Variants in NTSR1 observed in about 807,000 individuals in gnomAD.
NTSR1 encodes the protein neurotensin receptor type 1.
In NTSR1, 29 loss-of-function variants were observed where a neutral mutation model predicts 31.2. The ratio of observed to expected loss-of-function variants is 0.93; its 90% confidence interval spans 0.69 to 1.27. The LOEUF is 1.27. Among genes scored for constraint, NTSR1 ranks in the 50% most tolerant of loss-of-function variants. The probability of loss-of-function intolerance (pLI) is 0.00; values close to 1 mark genes in which losing one functional copy is unlikely to be tolerated. For synonymous variants in NTSR1, 282 were observed against 269.9 expected (o/e 1.04, Z -0.44); for missense variants, 697 against 595.4 (o/e 1.17, Z -1.78).
rs984220700 is a variant in NTSR1 at position 62,758,099 on chromosome 20, G to A, written c.917-167G>A. On this transcript the variant is annotated intron_variant, in intron 2 of 3. Transcript: ENST00000370501. The surrounding 1 kb of genome is among the most constrained non-coding windows in gnomAD (Gnocchi z 4.5). ...AGGTGCAGTGGGTCTCTGAGCCCATGTCTCTGTGCCTCAGGTGCAGTGGGT... is the reference window on the plus strand; with the variant it reads ...AGGTGCAGTGGGTCTCTGAGCCCATATCTCTGTGCCTCAGGTGCAGTGGGT... 4.1e-5 allele frequency among the ~76,000 whole-genome samples: 6 copies of A among 146,730 alleles called. No individual in the cohort carries two copies. The highest frequency in any genetic ancestry group is 2.3e-4 in the South Asian group (1 of 4,436).
chr20:62,751,380 CA>C (rs1989391919), intron 1 of NTSR1, among the ~76,000 whole-genome samples: 1 of 152,156 alleles, frequency 6.6e-6, no homozygotes, highest in South Asian at 2.1e-4. Flanking sequence ...GGAACTAAGT[CA>C]AATTGTCTTA....
At chr20:62,731,448 G>A (rs1406648017) in intron 1 of NTSR1, among the ~76,000 whole-genome samples, 2 of 151,856 alleles carry the variant, frequency 1.3e-5, no homozygotes, top group Non-Finnish European at 2.9e-5. Flanking sequence ...TGCTTTTGAT[G>A]TTGCATCTAA....
At chr20:62,718,142 G>A (rs555574334) in intron 1 of NTSR1, among the ~76,000 whole-genome samples, 22 of 152,344 alleles carry the variant, frequency 1.4e-4, no homozygotes, top group Non-Finnish European at 2.5e-4. Flanking sequence ...GAAGCCACGG[G>A]CAGATCATGC....
At chr20:62,752,521 C>T (rs866767546) in intron 1 of NTSR1, among the ~76,000 whole-genome samples, 1 of 152,210 alleles carries the variant, frequency 6.6e-6, no homozygotes, top group African/African-American at 2.4e-5. Context: ...CGTGGCCCTG[C>T]GGCAGACTCT....
rs148000672 is a variant in NTSR1, at chr20:62,709,903, C to A, written c.696C>A (p.Thr232=). The change falls in exon 1 of 4, where the codon ACC becomes ACA. Residue 232 remains threonine (T), a synonymous_variant. Coordinates refer to ENST00000370501, the MANE Select transcript of NTSR1 (RefSeq NM_002531.3). The part of the protein sequence containing the change: ...LVCTPTIHTA[T]VKVVIQVNTF... Reference sequence around the variant, plus strand: ...GCACCCCCACCATCCACACTGCCACCGTCAAGGTCGTCATACAGGTGAGCC... The same window carrying A: ...GCACCCCCACCATCCACACTGCCACAGTCAAGGTCGTCATACAGGTGAGCC... The A allele has an allele frequency of 4.6e-5, 74 of 1,594,226 alleles. No individual in the cohort carries two copies. In the African/African-American group the frequency reaches 8.9e-4, roughly 19 times the overall value.
intron 1 of NTSR1, among the ~76,000 whole-genome samples, chr20:62,725,760 C>T (rs1263962539): frequency 5.3e-5 from 8 of 151,956 alleles, no homozygotes; most frequent in Admixed American, 1.3e-4. Context: ...TGAATCCCAG[C>T]AAACCAAGAG....
intron 1 of NTSR1, among the ~76,000 whole-genome samples, chr20:62,739,519 A>AT (rs1443644424): frequency 6.6e-6 from 1 of 152,180 alleles, no homozygotes; most frequent in Non-Finnish European, 1.5e-5. Flanking sequence ...AGTCCCTCCC[A>AT]TGCAGGTACT....
In NTSR1 at chr20:62,762,156, G is replaced by C. The variant is rs1256093835; in HGVS notation, c.*1889G>C. Reference sequence around the variant, plus strand: ...TCTAGCAAATGCTAAGGCCCCTCAGGCTGGGCTCTGAACGAGGACCTGGAC... The same window carrying C: ...TCTAGCAAATGCTAAGGCCCCTCAGCCTGGGCTCTGAACGAGGACCTGGAC... On this transcript the variant is annotated 3_prime_UTR_variant, in exon 4 of 4. Transcript: ENST00000370501. 6.6e-6 allele frequency: 1 copy of C among 152,284 alleles called. No individual in the cohort carries two copies. Among genetic ancestry groups the C allele is most frequent in the African/African-American group, 2.4e-5 (1 of 41,448 alleles). 9.4% of individuals were successfully genotyped at this position (152,284 alleles called of 1,614,324 possible). A position where few individuals can be genotyped will look rare whatever the true frequency, so the allele number is the denominator to read the frequency against.
chr20:62,737,427 G>A (rs537584706), intron 1 of NTSR1, among the ~76,000 whole-genome samples: 5 of 152,274 alleles, frequency 3.3e-5, no homozygotes, highest in Admixed American at 6.5e-5. Flanking sequence ...CCGTGCAGTC[G>A]GAGAGCCCCT....
At chr20:62,752,130 G>T (rs1289955945) in intron 1 of NTSR1, among the ~76,000 whole-genome samples, 3 of 152,186 alleles carry the variant, frequency 2.0e-5, no homozygotes, top group Non-Finnish European at 4.4e-5. Flanking sequence ...TGGATGCACA[G>T]ACGTGATCTC....
Position 62,744,554 on chromosome 20 carries a change from C to CAAAA in NTSR1, c.715-10119_715-10116dup, listed in dbSNP as rs11481597. On this transcript the variant is annotated intron_variant, in intron 1 of 3. Coordinates refer to ENST00000370501, the MANE Select transcript of NTSR1 (RefSeq NM_002531.3). The surrounding 1 kb of genome is among the most constrained non-coding windows in gnomAD (Gnocchi z 4.1). ...TGGGTGACAGAACAAGACTCCGTCT[C>CAAAA]AAAAAAAAAAAAAAATACAAAATTA... is the stretch of plus-strand genomic sequence containing the variant. Among the ~76,000 whole-genome samples the CAAAA allele has an allele frequency of 1.1e-3, 134 of 116,824 alleles. No homozygotes were observed. Among genetic ancestry groups the CAAAA allele is most frequent in the African/African-American group, 4.1e-3 (127 of 30,714 alleles). The allele number at this position is 116,824 out of a possible 152,430, so 76.6% of individuals were successfully genotyped here.
intron 1 of NTSR1, among the ~76,000 whole-genome samples, chr20:62,717,384 G>A (rs920266247): frequency 2.0e-5 from 3 of 152,210 alleles, no homozygotes; most frequent in Non-Finnish European, 4.4e-5. Flanking sequence ...CCGAGAATAG[G>A]TGGTTTTGGG....
intron 1 of NTSR1, among the ~76,000 whole-genome samples, chr20:62,751,939 TCTC>T (rs146833805): frequency 0.016 from 2,476 of 152,264 alleles, 27 homozygotes; most frequent in Non-Finnish European, 0.025. Flanking sequence ...GATGCCAAAT[TCTC>T]CTCATTAAGG....
intron 1 of NTSR1, among the ~76,000 whole-genome samples, chr20:62,721,922 A>C (rs577438151): frequency 6.6e-6 from 1 of 152,268 alleles, no homozygotes; most frequent in South Asian, 2.1e-4. Context: ...GAGTGCTCAG[A>C]GTCTGATCAG....
intron 1 of NTSR1, among the ~76,000 whole-genome samples, chr20:62,716,410 C>T (rs1351103504): frequency 1.3e-5 from 2 of 151,996 alleles, no homozygotes; most frequent in South Asian, 2.1e-4. Context: ...GGAGGAAGGT[C>T]GGAGGAGGGG....
chr20:62,760,078 C>G lies in NTSR1; in HGVS notation c.1068C>G (p.Ser356Arg). ...YMVTNALFYV[S>R]STINPILYNL... is the part of the protein sequence containing the mutation. ...TGACCAACGCACTCTTCTACGTCAG[C>G]TCCACCATCAACCCCATCCTGTACA... is the stretch of plus-strand genomic sequence containing the variant. Residue 356 changes from serine (S) to arginine (R), a missense_variant, in exon 4 of 4, where the codon AGC becomes AGG. Ser to Arg is a moderately radical substitution (Grantham distance 110). Coordinates refer to ENST00000370501, the MANE Select transcript of NTSR1 (RefSeq NM_002531.3). 1 of 1,614,132 alleles carries G rather than the reference C, an allele frequency of 6.2e-7. No individual in the cohort carries two copies. The highest frequency in any genetic ancestry group is 8.5e-7 in the Non-Finnish European group (1 of 1,179,990).
chr20:62,733,263 C>T lies in NTSR1; in HGVS notation c.715-21422C>T, dbSNP rs1044644130. The T allele has an allele frequency of 6.6e-6, 1 of 152,194 alleles. No individual in the cohort carries two copies. Among genetic ancestry groups the T allele is most frequent in the South Asian group, 2.1e-4 (1 of 4,826 alleles). The allele number at this position is 152,194 out of a possible 1,614,324, so 9.4% of individuals were successfully genotyped here. A position where few individuals can be genotyped will look rare whatever the true frequency, so the allele number is the denominator to read the frequency against. On this transcript the variant is annotated intron_variant, in intron 1 of 3. Transcript: ENST00000370501. The surrounding 1 kb of genome is among the most constrained non-coding windows in gnomAD (Gnocchi z 5.2). ...TCCCCGCAGGGCCACCCTGGAGGCA[C>T]CTCTGCACCTCCCAGGCACAGCTCT...
In NTSR1 at chr20:62,754,721, G is replaced by A; in HGVS notation, c.751G>A (p.Val251Ile). 1 of 1,612,840 alleles carries A rather than the reference G, an allele frequency of 6.2e-7. No homozygotes were observed. The highest frequency in any genetic ancestry group is 8.5e-7 in the Non-Finnish European group (1 of 1,179,776). Residue 251 changes from valine (V) to isoleucine (I), a missense_variant, in exon 2 of 4, where the codon GTC becomes ATC. By Grantham distance (29) the Val-to-Ile change is conservative. Coordinates refer to ENST00000370501, the MANE Select transcript of NTSR1 (RefSeq NM_002531.3). ...TFMSFIFPMV[V>I]ISVLNTIIAN... ...CATGTCCTTCATATTCCCCATGGTG[G>A]TCATCTCGGTCCTGAACACCATCAT...
In NTSR1 at chr20:62,733,163, A is replaced by ACGTTCTTTCTTT. The variant is rs1555811360; in HGVS notation, c.715-21513_715-21512insTTTCGTTCTTTC. 6.6e-6 allele frequency: 1 copy of ACGTTCTTTCTTT among 151,438 alleles called. No homozygotes were observed. The highest frequency in any genetic ancestry group is 1.9e-4 in the East Asian group (1 of 5,130). The allele number at this position is 151,438 out of a possible 1,614,324, so 9.4% of individuals were successfully genotyped here. ...AGTAAATGTCATCGGCAGTGTGTAGACGTTCTTTCGGAAGAAGATCTGTCA... is the reference window on the plus strand; with the variant it reads ...AGTAAATGTCATCGGCAGTGTGTAGACGTTCTTTCTTTCGTTCTTTCGGAAGAAGATCTGTCA... On this transcript the variant is annotated intron_variant, in intron 1 of 3. Transcript: ENST00000370501. This position sits in a 1 kb window ranked among gnomAD's most constrained non-coding sequence, Gnocchi z 5.2.
Sources: allele counts gnomAD v4.1 joint callset (sites outside exome capture counted in the v4.1 genomes callset), GRCh38; gene constraint gnomAD v4.1.1; non-coding constraint Gnocchi (gnomAD v3.1); transcripts MANE v1.5; gene names NCBI Gene and HGNC (gene_info 2026-07-23, HGNC 2026-07-21).